SLC6A9: variants seen among roughly 807,000 people sequenced by gnomAD.
The protein encoded by SLC6A9 is sodium- and chloride-dependent glycine transporter 1.
In SLC6A9, 31 loss-of-function variants were observed where a neutral mutation model predicts 70.9. The ratio of observed to expected loss-of-function variants is 0.44; its 90% CI spans 0.33 to 0.59. The LOEUF is 0.59. Among genes scored for constraint, SLC6A9 ranks in the 20% least tolerant of loss-of-function variants. The pLI is 0.04. For synonymous variants in SLC6A9, 310 were observed against 341.3 expected (o/e 0.91, Z 1.01); for missense variants, 631 against 845.2 (o/e 0.75, Z 3.14).
intron 2 of SLC6A9, among the ~76,000 whole-genome samples, chr1:44,024,043 C>A (rs1392618528): frequency 6.6e-6 from 1 of 152,204 alleles, no homozygotes; most frequent in Admixed American, 6.5e-5. Context: ...TGCCTTCTGG[C>A]AGGTCTTTGC....
intron 2 of SLC6A9, chr1:44,017,424 A>G: frequency 8.7e-7 from 1 of 1,144,090 alleles, no homozygotes; most frequent in Non-Finnish European, 1.1e-6. Context: ...GGGGCAGAGC[A>G]GGCGAGAGGG....
intron 2 of SLC6A9, among the ~76,000 whole-genome samples, chr1:44,022,996 C>T (rs1343954382): frequency 1.3e-5 from 2 of 152,078 alleles, no homozygotes; most frequent in South Asian, 2.1e-4. Flanking sequence ...GTGAGCCACC[C>T]TGCCCAGCCC....
rs141553063 is a variant in SLC6A9 at position 43,997,738 on chromosome 1, C to A, written c.1709G>T (p.Arg570Leu). The A allele has an allele frequency of 1.3e-5, 21 of 1,605,976 alleles. No individual in the cohort carries two copies. The East Asian group carries it at 4.5e-4, about 34-fold the overall frequency. The change falls in exon 14 of 14, where the codon CGT (arginine) becomes CTT (leucine). Residue 570 changes from arginine (R) to leucine (L), a missense_variant and splice_region_variant. Transcript: ENST00000372310. This position sits in a 1 kb window ranked among gnomAD's most constrained non-coding sequence, Gnocchi z 4.4. ...GCTTGGCTTTGTGGCATTTTTCAAA[C>A]GCTGCATGAGGTAGGCATGGGGCAC... The part of the protein sequence containing the change: ...CRTDGDTLLQ[R>L]LKNATKPSRD...
At chr1:44,004,587 C>A (rs953644256) in intron 5 of SLC6A9, among the ~76,000 whole-genome samples, 3 of 152,136 alleles carry the variant, frequency 2.0e-5, no homozygotes. Flanking sequence ...CTCAAGCAAT[C>A]CTCCTGCCTC....
chr1:44,003,099 C>T, intron 5 of SLC6A9, 114 bp from the exon 6 acceptor site: 1 of 1,273,564 alleles, frequency 7.9e-7, no homozygotes, highest in Admixed American at 2.0e-5. Context: ...TCCCAGCAGC[C>T]ACCTTGTGTG....
intron 2 of SLC6A9, chr1:44,011,474 G>C: frequency 9.0e-7 from 1 of 1,111,510 alleles, no homozygotes; most frequent in African/African-American, 1.5e-5. Flanking sequence ...GGACAGACAT[G>C]GGGAGGGCAT....
rs1224123525 is a variant in SLC6A9, at chr1:44,018,611, A to ATAATAC, written c.30+5636_30+5637insGTATTA. ...CTCTCTCTCTAAAATAATAATAATA[A>ATAATAC]TAATAATAATAATAATAATAATAAT... On this transcript the variant is annotated intron_variant, in intron 2 of 13. Coordinates refer to ENST00000372310, the MANE Select transcript of SLC6A9 (RefSeq NM_001024845.3). This position sits in a 1 kb window ranked among gnomAD's most constrained non-coding sequence, Gnocchi z 4.2. 6.8e-6 allele frequency among the ~76,000 whole-genome samples: 1 copy of ATAATAC among 146,580 alleles called. No homozygotes were observed. The highest frequency in any genetic ancestry group is 1.5e-5 in the Non-Finnish European group (1 of 66,614).
intron 1 of SLC6A9, among the ~76,000 whole-genome samples, chr1:44,029,472 C>A (rs1232453179): frequency 1.3e-5 from 2 of 152,154 alleles, no homozygotes; most frequent in Non-Finnish European, 2.9e-5. Context: ...TGCCCCGGCA[C>A]CCGTTCCATG....
intron 12 of SLC6A9, among the ~76,000 whole-genome samples, chr1:43,999,303 C>A (rs2086001924): frequency 1.3e-5 from 2 of 151,390 alleles, no homozygotes; most frequent in Admixed American, 1.3e-4. Flanking sequence ...CTAGGCTCCC[C>A]TAAAGGTAAC....
chr1:44,023,106 T>C (rs1477206776), intron 2 of SLC6A9, among the ~76,000 whole-genome samples: 2 of 152,124 alleles, frequency 1.3e-5, no homozygotes, highest in Non-Finnish European at 2.9e-5. Flanking sequence ...GGCCAATGAC[T>C]CTTTCACTAA....
chr1:43,998,107 C>T, intron 12 of SLC6A9, 82 bp from the exon 13 acceptor site: 1 of 1,336,342 alleles, frequency 7.5e-7, no homozygotes. Context: ...GCACCCTTTC[C>T]TCTCTGGTTT....
chr1:44,001,115 T>C (rs1462169319), intron 10 of SLC6A9, 49 bp downstream of exon 10: 2 of 1,613,346 alleles, frequency 1.2e-6, no homozygotes, highest in Non-Finnish European at 1.7e-6. Flanking sequence ...AACCCTTCCC[T>C]GCACGTCCTG....
At chr1:44,009,778 GGT>G (rs2086479091) in intron 4 of SLC6A9, among the ~76,000 whole-genome samples, 185 bp downstream of exon 4, 1 of 152,204 alleles carries the variant, frequency 6.6e-6, no homozygotes, top group Admixed American at 6.5e-5. Context: ...AGGAGGGGAG[GGT>G]GGCAGCCAAG....
At chr1:44,005,973 A>G (rs2086295143) in intron 5 of SLC6A9, among the ~76,000 whole-genome samples, 1 of 152,140 alleles carries the variant, frequency 6.6e-6, no homozygotes, top group African/African-American at 2.4e-5. Context: ...TTCCCCTCTG[A>G]TTTTACTGGA....
chr1:44,029,151 G>C (rs1238732489), intron 1 of SLC6A9, among the ~76,000 whole-genome samples: 1 of 152,214 alleles, frequency 6.6e-6, no homozygotes, highest in East Asian at 1.9e-4. Context: ...GGCCCACCTT[G>C]ACAGTCTCAC....
At chr1:44,005,199 G>A (rs578126377) in intron 5 of SLC6A9, among the ~76,000 whole-genome samples, 1 of 152,178 alleles carries the variant, frequency 6.6e-6, no homozygotes, top group African/African-American at 2.4e-5. Flanking sequence ...TGGGGGACAG[G>A]AGCTGGGCCC....
At chr1:44,011,923 AC>A (rs943540772) in intron 2 of SLC6A9, among the ~76,000 whole-genome samples, 9 of 152,064 alleles carry the variant, frequency 5.9e-5, no homozygotes, top group Non-Finnish European at 1.3e-4. Context: ...TGCTCCTTCC[AC>A]CTCCCTCCCA....
chr1:44,011,703 T>C lies in SLC6A9; in HGVS notation c.31-821A>G, dbSNP rs766142754. ...AAAGGGTGGCAGGAAGAAGGATCTC[T>C]GAACAGGGAGAAGCGTCACCTGCAG... On this transcript the variant is annotated intron_variant, in intron 2 of 13. Transcript: ENST00000372310. The C allele has an allele frequency of 8.7e-6, 14 of 1,613,480 alleles. No individual in the cohort carries two copies. Among genetic ancestry groups the C allele is most frequent in the Non-Finnish European group, 1.1e-5 (13 of 1,179,726 alleles).
rs777615104 is a variant in SLC6A9, at chr1:44,002,493, G to A, written c.858+19C>T. ...CCTGGCCCCTCCCCAGCCCCCTTCC[G>A]GTTTCCCTCACTTCCCACCTTGGCC... On this transcript the variant is annotated intron_variant, in intron 7 of 13. Transcript: ENST00000372310. This position sits in a 1 kb window ranked among gnomAD's most constrained non-coding sequence, Gnocchi z 5.5. 7.4e-6 allele frequency: 12 copies of A among 1,613,876 alleles called. No individual in the cohort carries two copies. The highest frequency in any genetic ancestry group is 4.5e-5 in the East Asian group (2 of 44,882).
Sources: allele counts gnomAD v4.1 joint callset (sites outside exome capture counted in the v4.1 genomes callset), GRCh38; gene constraint gnomAD v4.1.1; non-coding constraint Gnocchi (gnomAD v3.1); transcripts MANE v1.5; gene names NCBI Gene and HGNC (gene_info 2026-07-23, HGNC 2026-07-21).